CDHR2: variants seen among roughly 807,000 people sequenced by gnomAD.
The protein encoded by CDHR2 is cadherin related family member 2.
In CDHR2, 104 loss-of-function variants were observed where a neutral mutation model predicts 138.6. That is an observed-to-expected ratio of 0.75 (90% CI 0.64 to 0.88). The LOEUF (loss-of-function observed/expected upper bound fraction) is 0.88, where lower values mean the gene tolerates loss of function less well. Among genes scored for constraint, CDHR2 ranks in the 40% least tolerant of loss-of-function variants. The probability of loss-of-function intolerance (pLI) is 0.00; values close to 1 mark genes in which losing one functional copy is unlikely to be tolerated. For synonymous variants in CDHR2, 755 were observed against 742.8 expected, an observed-to-expected ratio of 1.02 and a Z score of -0.27; for missense variants, 1,624 against 1,727.6, an observed-to-expected ratio of 0.94 and a Z score of 1.06.
rs753644270 is a variant in CDHR2 at position 176,590,611 on chromosome 5, G to A, written c.3463G>A (p.Val1155Ile). 2 of 1,613,940 alleles carry A rather than the reference G, an allele frequency of 1.2e-6. No homozygotes were observed. Among genetic ancestry groups the A allele is most frequent in the African/African-American group, 2.7e-5 (2 of 74,890 alleles). Residue 1155 changes from valine to isoleucine, a missense_variant, in exon 28 of 32, where the codon GTC (valine) becomes ATC (isoleucine). This residue lies in a region of CDHR2 where 556 missense variants were observed against 565.7 expected (regional missense o/e 0.98). Coordinates refer to ENST00000261944, the MANE Select transcript of CDHR2 (RefSeq NM_017675.6). ...AGACCTGTCGAAACAGCTCATCAGTGTCATCATAGGATTGGGAGTGGCTTT... is the reference window on the plus strand; with the variant it reads ...AGACCTGTCGAAACAGCTCATCAGTATCATCATAGGATTGGGAGTGGCTTT... ...ESDLSKQLIS[V>I]IIGLGVALLL...
At chr5:176,577,274 T>C (rs1169137593) in intron 12 of CDHR2, 125 bp from the exon 13 acceptor site, 1 of 1,072,490 alleles carries the variant, frequency 9.3e-7, no homozygotes, top group African/African-American at 1.6e-5. Context: ...CGCAGTCTTT[T>C]GAGAGCCCCC....
At chr5:176,580,126 G>GCACTCACA (rs1318438287) in intron 16 of CDHR2, among the ~76,000 whole-genome samples, 1 of 110,842 alleles carries the variant, frequency 9.0e-6, no homozygotes, top group African/African-American at 3.4e-5. Flanking sequence ...ACACACTCAC[G>GCACTCACA]CACGCACTCA....
chr5:176,591,521 T>A, intron 30 of CDHR2, 37 bp downstream of exon 30: 1 of 1,497,274 alleles, frequency 6.7e-7, no homozygotes, highest in Non-Finnish European at 9.3e-7. Context: ...TAGGTGGTGG[T>A]GGTGGTACAG....
chr5:176,561,640 T>TC (rs1757969814), intron 1 of CDHR2, among the ~76,000 whole-genome samples: 1 of 40,426 alleles, frequency 2.5e-5, no homozygotes, highest in South Asian at 1.5e-3. Flanking sequence ...GGAGTTGGGT[T>TC]CTTTTTTTTT....
upstream of CDHR2, among the ~76,000 whole-genome samples, chr5:176,548,066 G>T (rs778759421): frequency 2.0e-5 from 3 of 152,176 alleles, no homozygotes; most frequent in Non-Finnish European, 2.9e-5. Flanking sequence ...GTGCTCCTGG[G>T]CTGCTAACCT....
At position 176,578,065 on chromosome 5, in the gene CDHR2, A is replaced by C; in HGVS notation, c.1544A>C (p.Gln515Pro). The C allele has an allele frequency of 6.2e-7, 1 of 1,612,820 alleles. No individual in the cohort carries two copies. The highest frequency in any genetic ancestry group is 8.5e-7 in the Non-Finnish European group (1 of 1,179,016). Residue 515 changes from glutamine to proline, a missense_variant, in exon 15 of 32, where the codon CAA (glutamine) becomes CCA (proline). Around this residue, in one of 3 missense-constraint regions of CDHR2, gnomAD observed 1,061 missense variants for 1,136.6 expected, o/e 0.93. Transcript: ENST00000261944. ...ATDPDTGAWGQITYSLLPGNG... is the reference protein window; with the variant it reads ...ATDPDTGAWGPITYSLLPGNG... ...GACCCAGACACGGGCGCGTGGGGCC[A>C]AATTACCTACAGCCTGCTCCCAGGA...
At position 176,584,876 on chromosome 5, in the gene CDHR2, G is replaced by A; in HGVS notation, c.2595G>A (p.Trp865Ter). 6.2e-6 allele frequency: 10 copies of A among 1,614,140 alleles called. No homozygotes were observed. Among genetic ancestry groups the A allele is most frequent in the South Asian group, 1.1e-5 (1 of 91,082 alleles). ...ATGTGGGCAGCCTATGCTGGGGCTG[G>A]TTCTCAGTGGCGGCCAACGGCTCTG... The part of the protein sequence containing the change: ...GVDVGSLCWG[W>*]FSVAANGSVY... The change falls in exon 19 of 32, where the codon TGG becomes TGA. Residue 865 changes from tryptophan to a stop codon, truncating the protein, a stop_gained. Transcript: ENST00000261944. LOFTEE classifies it high-confidence loss of function.
intron 1 of CDHR2, among the ~76,000 whole-genome samples, chr5:176,552,055 G>C (rs1024641543): frequency 1.3e-5 from 2 of 152,208 alleles, no homozygotes; most frequent in Non-Finnish European, 2.9e-5. Flanking sequence ...AAGAGCCCAG[G>C]GGTACGGTTG....
Position 176,590,677 on chromosome 5 carries a change from G to T in CDHR2, c.3529G>T (p.Val1177Leu), listed in dbSNP as rs771724441. ...LVIMTMAFVC[V>L]RKSYNRKLQA... ...GATCATGACCATGGCCTTCGTGTGT[G>T]TGCGGAAGAGGTGCGGCTCCCATTG... is the stretch of plus-strand genomic sequence containing the variant. The change falls in exon 28 of 32, where the codon GTG (valine) becomes TTG (leucine). Residue 1177 changes from valine to leucine, a missense_variant. Transcript: ENST00000261944. 3.1e-6 allele frequency: 5 copies of T among 1,613,406 alleles called. No homozygotes were observed. Among genetic ancestry groups the T allele is most frequent in the Non-Finnish European group, 4.2e-6 (5 of 1,180,016 alleles).
chr5:176,589,634 C>T lies in CDHR2; in HGVS notation c.3206+18C>T, dbSNP rs370410033. The T allele has an allele frequency of 1.9e-5, 30 of 1,611,150 alleles. No homozygotes were observed. The highest frequency in any genetic ancestry group is 2.7e-5 in the African/African-American group (2 of 74,816). On this transcript the variant is annotated intron_variant, in intron 24 of 31. Transcript: ENST00000261944. ...ATTAATGCGTAGGTCTGGGGAGCCC[C>T]GGAGGGAGGGGTAGGAAGAACAGGG...
chr5:176,591,432 A>G lies in CDHR2; in HGVS notation c.3682A>G (p.Lys1228Glu), dbSNP rs764438556. 4.3e-6 allele frequency: 7 copies of G among 1,614,014 alleles called. No homozygotes were observed. The highest frequency in any genetic ancestry group is 1.3e-5 in the African/African-American group (1 of 75,030). The change falls in exon 30 of 32, where the codon AAA becomes GAA. Residue 1228 changes from lysine to glutamate, a missense_variant. Around this residue, in one of 3 missense-constraint regions of CDHR2, gnomAD observed 556 missense variants for 565.7 expected, o/e 0.98. Coordinates refer to ENST00000261944, the MANE Select transcript of CDHR2 (RefSeq NM_017675.6). ...RANPMLNLPNKDLGLEYLSPS... is the reference protein window; with the variant it reads ...RANPMLNLPNEDLGLEYLSPS... ...CAACCCCATGCTGAACCTCCCCAAC[A>G]AAGACCTGGGCTTGGAGTACCTCTC...
chr5:176,552,789 C>T (rs1282058236), intron 1 of CDHR2, among the ~76,000 whole-genome samples: 1 of 152,242 alleles, frequency 6.6e-6, no homozygotes, highest in Non-Finnish European at 1.5e-5. Flanking sequence ...GAGCACTGGC[C>T]TGGGAGGCAG....
At chr5:176,558,940 ACT>A (rs1177509110) in intron 1 of CDHR2, among the ~76,000 whole-genome samples, 2 of 152,136 alleles carry the variant, frequency 1.3e-5, no homozygotes, top group Admixed American at 6.5e-5. Context: ...GAATTGCTCA[ACT>A]CTGTTCCATG....
rs776138778 is a variant in CDHR2 at position 176,591,290 on chromosome 5, C to T, written c.3620C>T (p.Ala1207Val). Residue 1207 changes from alanine to valine, a missense_variant, in exon 29 of 32, where the codon GCC becomes GTC. Around this residue, in one of 3 missense-constraint regions of CDHR2, gnomAD observed 556 missense variants for 565.7 expected, o/e 0.98. Transcript: ENST00000261944. ...GCAGGGGTGATGCCCTCAGCCCCTG[C>T]CATCCCAGGGACTAACATGTACAAC... ...TAAGVMPSAP[A>V]IPGTNMYNTE... 7 of 1,613,820 alleles carry T rather than the reference C, an allele frequency of 4.3e-6. No individual in the cohort carries two copies. Among genetic ancestry groups the T allele is most frequent in the Non-Finnish European group, 5.9e-6 (7 of 1,179,774 alleles).
intron 1 of CDHR2, among the ~76,000 whole-genome samples, chr5:176,551,555 A>T (rs1305802708): frequency 6.6e-6 from 1 of 152,152 alleles, no homozygotes; most frequent in Non-Finnish European, 1.5e-5. Context: ...CAGTGGCGCG[A>T]TCTCGGCTCA....
rs751617644 is a variant in CDHR2 at position 176,578,026 on chromosome 5, C to T, written c.1513-8C>T. ...CACACAGCACCCTGCCATGTCTCTG[C>T]CTCACAGGCCACGGACCCAGACACG... is the stretch of plus-strand genomic sequence containing the variant. On this transcript the variant is annotated splice_polypyrimidine_tract_variant and splice_region_variant and intron_variant, in intron 14 of 31. Coordinates refer to ENST00000261944, the MANE Select transcript of CDHR2 (RefSeq NM_017675.6). The T allele has an allele frequency of 5.6e-6, 9 of 1,608,776 alleles. No individual in the cohort carries two copies. Among genetic ancestry groups the T allele is most frequent in the Non-Finnish European group, 7.6e-6 (9 of 1,176,608 alleles).
upstream of CDHR2, among the ~76,000 whole-genome samples, chr5:176,545,671 C>T (rs996886193): frequency 6.6e-6 from 1 of 152,118 alleles, no homozygotes; most frequent in Admixed American, 6.5e-5. Flanking sequence ...AGGTGGTGTA[C>T]CTTGCCCAAG....
chr5:176,590,989 G>T (rs190396970), intron 28 of CDHR2, among the ~76,000 whole-genome samples: 2 of 152,346 alleles, frequency 1.3e-5, no homozygotes, highest in Admixed American at 6.5e-5. Context: ...TTTCCAACAT[G>T]TATAGAGTCA....
intron 16 of CDHR2, 35 bp from the exon 17 acceptor site, chr5:176,581,308 G>A (rs376147522): frequency 4.1e-5 from 66 of 1,606,932 alleles, no homozygotes; most frequent in South Asian, 2.2e-4. Flanking sequence ...TGGGAATGCC[G>A]ATGGCCGATG....
Sources: gnomAD v4.1 joint callset for allele counts (sites outside exome capture counted in the v4.1 genomes callset) on GRCh38, gnomAD v4.1.1 for gene constraint, gnomAD v4.1.1 regional missense constraint, MANE v1.5 for transcripts, NCBI Gene and HGNC (gene_info 2026-07-23, HGNC 2026-07-21) for gene names.